The following FTCDNL1 variants were observed in gnomAD, a reference collection of about 807,000 sequenced individuals.
The protein encoded by FTCDNL1 is formiminotransferase cyclodeaminase N-terminal like.
In FTCDNL1, 11 loss-of-function variants were observed where a neutral mutation model predicts 5.9. The observed-to-expected ratio is 1.87, with a 90% CI of 1.18 to 3.10. The LOEUF (loss-of-function observed/expected upper bound fraction) is 3.10, where lower values mean the gene tolerates loss of function less well. Among genes scored for constraint, FTCDNL1 ranks in the 30% most tolerant of loss-of-function variants. The probability of loss-of-function intolerance (pLI) is 0.00; values close to 1 mark genes in which losing one functional copy is unlikely to be tolerated. For synonymous variants in FTCDNL1, 58 were observed against 24.8 expected, an observed-to-expected ratio of 2.34 and a Z score of -3.99; for missense variants, 115 against 65.5, an observed-to-expected ratio of 1.76 and a Z score of -2.61.
chr2:199,712,868 C>T, the FTCDNL1 span, among the ~76,000 whole-genome samples: 1 of 152,202 alleles, frequency 6.6e-6, no homozygotes, highest in Non-Finnish European at 1.5e-5. Context: ...AAAGAGCTCA[C>T]CCTACTGCAG....
the FTCDNL1 span, among the ~76,000 whole-genome samples, chr2:199,748,525 A>G: frequency 6.6e-6 from 1 of 152,162 alleles, no homozygotes; most frequent in African/African-American, 2.4e-5. Flanking sequence ...TGCCACAAAG[A>G]CAGGTCGCTT....
intron 3 of FTCDNL1, among the ~76,000 whole-genome samples, chr2:199,787,666 G>C (rs1240259360): frequency 1.3e-5 from 2 of 152,120 alleles, no homozygotes; most frequent in Non-Finnish European, 2.9e-5. Flanking sequence ...AGCATTCTTT[G>C]AAAATATTCT....
intron 3 of FTCDNL1, among the ~76,000 whole-genome samples, chr2:199,780,108 C>T (rs1045819350): frequency 6.6e-6 from 1 of 152,178 alleles, no homozygotes; most frequent in Non-Finnish European, 1.5e-5. Context: ...TCAGAAGTGC[C>T]TGTCGAGTGA....
At position 199,825,131 on chromosome 2, in the gene FTCDNL1, C is replaced by T. The variant is rs533649214; in HGVS notation, c.212-5374G>A. Among the ~76,000 whole-genome samples, 5 of 144,444 alleles carry T rather than the reference C, an allele frequency of 3.5e-5. No individual in the cohort carries two copies. The South Asian group carries it at 1.1e-3, about 32-fold the overall frequency. 94.8% of individuals were successfully genotyped at this position (144,444 alleles called of 152,430 possible). Reference sequence around the variant, plus strand: ...CCAGCCTGGGTGACAGAGCAAGACCCTGTCTCAAAAAAAAAAAAAGAAAAA... The same window carrying T: ...CCAGCCTGGGTGACAGAGCAAGACCTTGTCTCAAAAAAAAAAAAAGAAAAA... On this transcript the variant is annotated intron_variant, in intron 3 of 4. Coordinates refer to ENST00000420128, the MANE Select transcript of FTCDNL1 (RefSeq NM_001363886.2).
At chr2:199,701,994 C>T in the FTCDNL1 span, among the ~76,000 whole-genome samples, 23 of 152,186 alleles carry the variant, frequency 1.5e-4, no homozygotes, top group African/African-American at 5.1e-4. Flanking sequence ...GAGATTGCAC[C>T]ACTGCACTCC....
At chr2:199,798,837 C>A (rs953858962) in intron 3 of FTCDNL1, among the ~76,000 whole-genome samples, 4 of 152,324 alleles carry the variant, frequency 2.6e-5, no homozygotes, top group South Asian at 4.1e-4. Context: ...AAGTCAATAG[C>A]TGTGGAAGTC....
chr2:199,677,288 G>A, the FTCDNL1 span, among the ~76,000 whole-genome samples: 409 of 152,310 alleles, frequency 2.7e-3, 4 homozygotes, highest in African/African-American at 9.6e-3. Flanking sequence ...GGACTAGGCA[G>A]ACCCCTGCCA....
At chr2:199,740,223 C>T in the FTCDNL1 span, among the ~76,000 whole-genome samples, 20 of 152,258 alleles carry the variant, frequency 1.3e-4, no homozygotes, top group South Asian at 2.1e-4. Context: ...TGGCAAAGAG[C>T]CACCTAAATG....
At chr2:199,761,543 G>A (rs762483283) in intron 3 of FTCDNL1, among the ~76,000 whole-genome samples, 1 of 152,116 alleles carries the variant, frequency 6.6e-6, no homozygotes, top group Non-Finnish European at 1.5e-5. Flanking sequence ...TTGCCCTCCT[G>A]GGACTTTGGA....
chr2:199,731,082 C>T, the FTCDNL1 span, among the ~76,000 whole-genome samples: 8 of 152,168 alleles, frequency 5.3e-5, no homozygotes, highest in Non-Finnish European at 1.0e-4. Context: ...TCTCAGCAAA[C>T]TAACACAAGA....
the FTCDNL1 span, among the ~76,000 whole-genome samples, chr2:199,715,341 G>C: frequency 6.6e-6 from 1 of 152,156 alleles, no homozygotes; most frequent in South Asian, 2.1e-4. Flanking sequence ...TGTCATGGGA[G>C]GGACCCAGTG....
rs908339998 is a variant in FTCDNL1 at position 199,850,959 on chromosome 2, G to GTA, written c.-228_-227insTA. 2 of 152,176 alleles carry GTA rather than the reference G, an allele frequency of 1.3e-5. No homozygotes were observed. Among genetic ancestry groups the GTA allele is most frequent in the African/African-American group, 4.8e-5 (2 of 41,450 alleles). The allele number at this position is 152,176 out of a possible 1,614,324, so 9.4% of individuals were successfully genotyped here. On this transcript the variant is annotated 5_prime_UTR_variant, in exon 1 of 5. Coordinates refer to ENST00000420128, the MANE Select transcript of FTCDNL1 (RefSeq NM_001363886.2). ...CTCGCGGGACGCAGCAGCGGCGAGGGCGCGGGGTTGTGGCGCCTGGGAGCG... is the reference window on the plus strand; with the variant it reads ...CTCGCGGGACGCAGCAGCGGCGAGGGTACGCGGGGTTGTGGCGCCTGGGAGCG...
intron 3 of FTCDNL1, among the ~76,000 whole-genome samples, chr2:199,799,123 G>C (rs1359157814): frequency 6.6e-6 from 1 of 152,168 alleles, no homozygotes; most frequent in African/African-American, 2.4e-5. Context: ...TCCAATGGCA[G>C]TGCCCTCATG....
At chr2:199,705,777 CAAG>C in the FTCDNL1 span, among the ~76,000 whole-genome samples, 1 of 152,114 alleles carries the variant, frequency 6.6e-6, no homozygotes, top group Admixed American at 6.6e-5. Flanking sequence ...AAGCAGATGC[CAAG>C]ATGAGATTAG....
chr2:199,750,024 AC>A, the FTCDNL1 span, among the ~76,000 whole-genome samples: 2 of 150,812 alleles, frequency 1.3e-5, no homozygotes, highest in Admixed American at 6.7e-5. Context: ...CCTAGTATGT[AC>A]CCCCAAAAAT....
chr2:199,666,234 A>G, the FTCDNL1 span, among the ~76,000 whole-genome samples: 4 of 152,216 alleles, frequency 2.6e-5, no homozygotes, highest in Non-Finnish European at 5.9e-5. Flanking sequence ...TTTTAAACTA[A>G]AATAGGAAAA....
chr2:199,799,520 C>T (rs1211575556), intron 3 of FTCDNL1, among the ~76,000 whole-genome samples: 1 of 152,168 alleles, frequency 6.6e-6, no homozygotes, highest in Non-Finnish European at 1.5e-5. Flanking sequence ...TGACATTTCC[C>T]AGATGGTGTC....
At chr2:199,845,916 C>T (rs2076720867) in intron 3 of FTCDNL1, among the ~76,000 whole-genome samples, 159 bp downstream of exon 3, 1 of 151,028 alleles carries the variant, frequency 6.6e-6, no homozygotes, top group Admixed American at 6.6e-5. Flanking sequence ...TTGAGATTTA[C>T]ATGTTCAGAA....
the FTCDNL1 span, among the ~76,000 whole-genome samples, chr2:199,679,709 C>T: frequency 6.6e-6 from 1 of 151,126 alleles, no homozygotes; most frequent in Admixed American, 6.6e-5. Flanking sequence ...ATATCAAAAT[C>T]ATGGATGAAA....
Sources: allele counts gnomAD v4.1 joint callset (sites outside exome capture counted in the v4.1 genomes callset), GRCh38; gene constraint gnomAD v4.1.1; transcripts MANE v1.5; gene names NCBI Gene and HGNC (gene_info 2026-07-23, HGNC 2026-07-21).